ERGIC1: variants seen among roughly 807,000 people sequenced by gnomAD.
The protein encoded by ERGIC1 is endoplasmic reticulum-golgi intermediate compartment 1.
A neutral mutation model predicts 38.3 loss-of-function variants in ERGIC1; 19 were observed. The ratio of observed to expected loss-of-function variants is 0.50; its 90% confidence interval spans 0.35 to 0.73. The LOEUF is 0.73. ERGIC1 is among the 30% of genes least tolerant of loss of function. The pLI, the probability that ERGIC1 is intolerant of heterozygous loss-of-function variation, is 0.01. For missense variants in ERGIC1, 294 were observed against 389.2 expected, an observed-to-expected ratio of 0.76 and a Z score of 2.06; for synonymous variants, 124 against 157.6, an observed-to-expected ratio of 0.79 and a Z score of 1.60.
intron 1 of ERGIC1, among the ~76,000 whole-genome samples, chr5:172,875,898 A>G (rs965656193): frequency 6.6e-6 from 1 of 152,198 alleles, no homozygotes; most frequent in Non-Finnish European, 1.5e-5. Context: ...AAACTAGGTC[A>G]TTTATTCTGT....
At chr5:172,932,588 C>T in intron 8 of ERGIC1, 52 bp downstream of exon 8, 1 of 1,562,952 alleles carries the variant, frequency 6.4e-7, no homozygotes, top group Non-Finnish European at 8.8e-7. Flanking sequence ...CCTCTGCTGA[C>T]GGAGAGCAGA....
intron 5 of ERGIC1, chr5:172,917,681 A>G (rs1763406087): frequency 6.6e-6 from 1 of 152,108 alleles, no homozygotes; most frequent in Admixed American, 6.5e-5. Flanking sequence ...ATGGGGGAAA[A>G]ATTGACATCT....
chr5:172,839,566 AACACACACACACATAC>A lies in ERGIC1; in HGVS notation c.20+5157_20+5172del, dbSNP rs1393263228. 4.6e-5 allele frequency among the ~76,000 whole-genome samples: 7 copies of A among 151,936 alleles called. No individual in the cohort carries two copies. In the East Asian group the frequency reaches 5.8e-4, roughly 13 times the overall value. ...GTAACAGAGCAAGACCCTATCTCAA[AACACACACACACATAC>A]ACACACACACACATACACACACATA... On this transcript the variant is annotated intron_variant, in intron 1 of 9. Transcript: ENST00000393784.
rs1462978112 is a variant in ERGIC1 at position 172,951,194 on chromosome 5, C to T, written c.*378C>T. The T allele has an allele frequency of 6.1e-6, 1 of 163,942 alleles. No individual in the cohort carries two copies. Among genetic ancestry groups the T allele is most frequent in the Non-Finnish European group, 1.3e-5 (1 of 75,882 alleles). 10.2% of individuals were successfully genotyped at this position (163,942 alleles called of 1,614,324 possible). On this transcript the variant is annotated 3_prime_UTR_variant, in exon 10 of 10. Transcript: ENST00000393784. ...CCAGGCTTCGACAATCTCGCAGCCCCCACTAGGTGGACACATTAATGATTT... is the reference window on the plus strand; with the variant it reads ...CCAGGCTTCGACAATCTCGCAGCCCTCACTAGGTGGACACATTAATGATTT...
At chr5:172,927,847 T>C (rs747860323) in intron 7 of ERGIC1, among the ~76,000 whole-genome samples, 9 of 152,176 alleles carry the variant, frequency 5.9e-5, no homozygotes, top group Non-Finnish European at 1.2e-4. Flanking sequence ...TCTGCTTTTC[T>C]AAGTCATTGT....
chr5:172,952,366 T>TG lies in ERGIC1; in HGVS notation c.*1552dup, dbSNP rs1764249822. The TG allele has an allele frequency of 7.0e-6, 1 of 142,562 alleles. No homozygotes were observed. The highest frequency in any genetic ancestry group is 2.6e-5 in the African/African-American group (1 of 38,428). 8.8% of individuals were successfully genotyped at this position (142,562 alleles called of 1,614,324 possible). The stretch of plus-strand genomic sequence containing the variant: ...GTTATTTCTGGTATCGGTGGCCACT[T>TG]GGATGGATTTTTTTACATTCTGTTC... On this transcript the variant is annotated 3_prime_UTR_variant, in exon 10 of 10. Coordinates refer to ENST00000393784, the MANE Select transcript of ERGIC1 (RefSeq NM_001031711.3).
At chr5:172,937,870 C>A (rs1021303803) in intron 9 of ERGIC1, 1 of 136,718 alleles carries the variant, frequency 7.3e-6, no homozygotes, top group South Asian at 2.3e-4. Flanking sequence ...TGGTGGTGGG[C>A]GCCTGTAATC....
chr5:172,841,409 G>A (rs1348269120), intron 1 of ERGIC1, among the ~76,000 whole-genome samples: 1 of 152,194 alleles, frequency 6.6e-6, no homozygotes, highest in Non-Finnish European at 1.5e-5. Flanking sequence ...GAAACAGCTG[G>A]TGCCTCTGAC....
Position 172,926,646 on chromosome 5 carries a change from G to A in ERGIC1, c.541+77G>A, listed in dbSNP as rs1763657879. 2 of 1,540,238 alleles carry A rather than the reference G, an allele frequency of 1.3e-6. No homozygotes were observed. The highest frequency in any genetic ancestry group is 3.3e-5 in the Admixed American group (2 of 59,746). ...AGGCAGGGAGGGGGAGGGCAGAGAG[G>A]TGGGGGTGCCTGTCCAGCACCCACT... On this transcript the variant is annotated intron_variant, in intron 7 of 9. Coordinates refer to ENST00000393784, the MANE Select transcript of ERGIC1 (RefSeq NM_001031711.3). The surrounding 1 kb of genome is among the most constrained non-coding windows in gnomAD (Gnocchi z 5.2).
chr5:172,834,885 A>C lies in ERGIC1; in HGVS notation c.20+452A>C, dbSNP rs902636849. On this transcript the variant is annotated intron_variant, in intron 1 of 9. Transcript: ENST00000393784. The surrounding 1 kb of genome is among the most constrained non-coding windows in gnomAD (Gnocchi z 4.1). Reference sequence around the variant, plus strand: ...CTGGGGCCCCATGCAGCCTGCCGGCAGCTGGAGGGTTTTAAGTTTCTATAG... The same window carrying C: ...CTGGGGCCCCATGCAGCCTGCCGGCCGCTGGAGGGTTTTAAGTTTCTATAG... 6.6e-6 allele frequency among the ~76,000 whole-genome samples: 1 copy of C among 152,134 alleles called. No individual in the cohort carries two copies. Among genetic ancestry groups the C allele is most frequent in the Non-Finnish European group, 1.5e-5 (1 of 68,022 alleles).
At chr5:172,867,403 C>T (rs949961818) in intron 1 of ERGIC1, 5 of 398,536 alleles carry the variant, frequency 1.3e-5, no homozygotes, top group Non-Finnish European at 2.6e-5. Context: ...CTGTGAACTG[C>T]TGGCTGCTGC....
chr5:172,914,089 T>A (rs527899806), intron 4 of ERGIC1, among the ~76,000 whole-genome samples: 28 of 151,452 alleles, frequency 1.8e-4, no homozygotes, highest in East Asian at 1.6e-3. Context: ...ACAAAAAAAA[T>A]TTTTTTGTAT....
At chr5:172,871,386 G>T (rs947554204) in intron 1 of ERGIC1, among the ~76,000 whole-genome samples, 1 of 152,204 alleles carries the variant, frequency 6.6e-6, no homozygotes, top group Non-Finnish European at 1.5e-5. Context: ...TATCCCTGTG[G>T]CTGTTGTCTC....
chr5:172,910,322 C>T (rs563537976), intron 4 of ERGIC1, among the ~76,000 whole-genome samples: 60 of 152,174 alleles, frequency 3.9e-4, no homozygotes, highest in Non-Finnish European at 7.6e-4. Flanking sequence ...AGAAGACCTC[C>T]GGTCAGCCAA....
intron 1 of ERGIC1, among the ~76,000 whole-genome samples, chr5:172,878,506 G>A (rs1241689542): frequency 6.6e-6 from 1 of 152,196 alleles, no homozygotes; most frequent in African/African-American, 2.4e-5. Context: ...CAAAGTGTAA[G>A]CCGAGGCTTC....
chr5:172,943,451 G>C (rs1173357921), intron 9 of ERGIC1, among the ~76,000 whole-genome samples: 1 of 151,486 alleles, frequency 6.6e-6, no homozygotes, highest in Non-Finnish European at 1.5e-5. Context: ...GCTCCAGCCT[G>C]TCTGCCGCTG....
At chr5:172,876,789 G>A (rs1322415411) in intron 1 of ERGIC1, among the ~76,000 whole-genome samples, 2 of 152,128 alleles carry the variant, frequency 1.3e-5, no homozygotes, top group Non-Finnish European at 2.9e-5. Context: ...TAGTTGGCAT[G>A]TTCTAGCATT....
At chr5:172,907,276 G>C (rs1419392786) in intron 3 of ERGIC1, among the ~76,000 whole-genome samples, 2 of 152,204 alleles carry the variant, frequency 1.3e-5, no homozygotes, top group African/African-American at 2.4e-5. Context: ...TAAAGGCCTC[G>C]GCCAGGCACG....
At chr5:172,929,455 C>T (rs1179523896) in intron 7 of ERGIC1, among the ~76,000 whole-genome samples, 2 of 152,252 alleles carry the variant, frequency 1.3e-5, no homozygotes, top group East Asian at 3.9e-4. Context: ...TAGGAATGGT[C>T]AGCTCACAAG....
Sources: allele counts gnomAD v4.1 joint callset (sites outside exome capture counted in the v4.1 genomes callset), GRCh38; gene constraint gnomAD v4.1.1; non-coding constraint Gnocchi (gnomAD v3.1); transcripts MANE v1.5; gene names NCBI Gene and HGNC (gene_info 2026-07-23, HGNC 2026-07-21).